TENM3: variants seen among roughly 807,000 people sequenced by gnomAD.
The protein encoded by TENM3 is teneurin transmembrane protein 3.
In TENM3, 63 loss-of-function variants were observed where a neutral mutation model predicts 255.1. The ratio of observed to expected loss-of-function variants is 0.25; its 90% CI spans 0.20 to 0.30. The LOEUF is 0.30. Ranked by LOEUF, TENM3 falls within the 10% of genes least tolerant of loss-of-function variation. TENM3 has a pLI of 1.00. For synonymous variants in TENM3, 1,306 were observed against 1,322.3 expected (o/e 0.99, Z 0.27); for missense variants, 2,929 against 3,461.1 (o/e 0.85, Z 3.86).
intron 3 of TENM3, among the ~76,000 whole-genome samples, chr4:182,504,776 G>T (rs1332534129): frequency 1.3e-5 from 2 of 152,176 alleles, no homozygotes; most frequent in Non-Finnish European, 1.5e-5. Context: ...CAATATGCCA[G>T]CCTGGTCTGT....
At chr4:182,043,323 G>A in the TENM3 span, among the ~76,000 whole-genome samples, 1 of 152,162 alleles carries the variant, frequency 6.6e-6, no homozygotes, top group Non-Finnish European at 1.5e-5. Flanking sequence ...AGCTAAAACA[G>A]TTAATGCAAA....
chr4:182,433,140 A>T (rs13116285), intron 3 of TENM3, among the ~76,000 whole-genome samples: 72,965 of 151,660 alleles, frequency 0.48, 17,964 homozygotes, highest in South Asian at 0.6. Flanking sequence ...GGTGATGGAA[A>T]ATATTTTGAA....
chr4:182,475,407 ATT>A (rs5864786), intron 3 of TENM3, among the ~76,000 whole-genome samples: 81 of 150,778 alleles, frequency 5.4e-4, no homozygotes, highest in African/African-American at 1.9e-3. Flanking sequence ...AAACTGATCA[ATT>A]TTTTTTTTTC....
intron 5 of TENM3, among the ~76,000 whole-genome samples, chr4:182,639,954 G>T (rs1660809386): frequency 1.3e-5 from 2 of 152,168 alleles, no homozygotes; most frequent in African/African-American, 4.8e-5. Context: ...GCCGGGCGTG[G>T]TGGCGCGCAC....
At chr4:182,594,730 G>GTA (rs1335809915) in intron 3 of TENM3, among the ~76,000 whole-genome samples, 1 of 138,296 alleles carries the variant, frequency 7.2e-6, no homozygotes, top group South Asian at 2.3e-4. Flanking sequence ...GTGTGTGTGT[G>GTA]TTTTCCCGAG....
intron 3 of TENM3, among the ~76,000 whole-genome samples, chr4:182,365,458 A>G (rs1766367875): frequency 6.6e-6 from 1 of 152,212 alleles, no homozygotes; most frequent in African/African-American, 2.4e-5. Context: ...GGTGAAGAAC[A>G]GGTGTACGTG....
At chr4:181,679,444 T>G in the TENM3 span, among the ~76,000 whole-genome samples, 1 of 152,146 alleles carries the variant, frequency 6.6e-6, no homozygotes, top group East Asian at 1.9e-4. Context: ...CATATCGGTT[T>G]AAAATAAAAC....
At chr4:181,605,963 T>C in the TENM3 span, among the ~76,000 whole-genome samples, 1 of 152,322 alleles carries the variant, frequency 6.6e-6, no homozygotes, top group African/African-American at 2.4e-5. Context: ...CACATCATCC[T>C]TTTCTTCAAA....
chr4:182,771,548 C>G (rs753898949), intron 22 of TENM3, among the ~76,000 whole-genome samples: 4 of 151,588 alleles, frequency 2.6e-5, no homozygotes, highest in Non-Finnish European at 5.9e-5. Context: ...TAGAGGCATT[C>G]AAAAGGGCAT....
intron 1 of TENM3, among the ~76,000 whole-genome samples, chr4:182,189,248 ACT>A (rs1213643217): frequency 6.6e-6 from 1 of 151,524 alleles, no homozygotes; most frequent in Non-Finnish European, 1.5e-5. Flanking sequence ...AGACTATGTA[ACT>A]CTAGCTCAGT....
At chr4:181,921,296 TG>T in the TENM3 span, among the ~76,000 whole-genome samples, 1 of 152,206 alleles carries the variant, frequency 6.6e-6, no homozygotes, top group Non-Finnish European at 1.5e-5. Flanking sequence ...TTGATGGGGA[TG>T]GCATTGAATC....
the TENM3 span, among the ~76,000 whole-genome samples, chr4:182,104,251 C>T: frequency 1.3e-5 from 2 of 152,088 alleles, no homozygotes; most frequent in African/African-American, 2.4e-5. Context: ...TTCTCTGATC[C>T]AGTGTGTCCC....
At chr4:182,763,786 C>G (rs1378779209) in intron 22 of TENM3, among the ~76,000 whole-genome samples, 1 of 152,154 alleles carries the variant, frequency 6.6e-6, no homozygotes, top group African/African-American at 2.4e-5. Flanking sequence ...GATGACTAAA[C>G]CTCAAACCTT....
chr4:181,586,027 A>T, the TENM3 span, among the ~76,000 whole-genome samples: 1 of 152,174 alleles, frequency 6.6e-6, no homozygotes, highest in Non-Finnish European at 1.5e-5. Context: ...TAATCATTAG[A>T]ATGTAGGGTT....
chr4:181,857,656 G>A, the TENM3 span, among the ~76,000 whole-genome samples: 1 of 151,216 alleles, frequency 6.6e-6, no homozygotes, highest in South Asian at 2.1e-4. Flanking sequence ...TACTGGGGAG[G>A]GTGAGGTGGG....
chr4:182,420,539 C>G (rs1770752867), intron 3 of TENM3, among the ~76,000 whole-genome samples: 1 of 152,174 alleles, frequency 6.6e-6, no homozygotes, highest in Admixed American at 6.5e-5. Flanking sequence ...AGGCCTTTAT[C>G]AGACTAAAAA....
At position 182,417,353 on chromosome 4, in the gene TENM3, A is replaced by G. The variant is rs190591074; in HGVS notation, c.511+70424A>G. ...GGACCTTGTTTCTCAGTGATCTTTC[A>G]TATGTAACATTTTAATATTTATTAG... On this transcript the variant is annotated intron_variant, in intron 3 of 27. Coordinates refer to ENST00000511685, the MANE Select transcript of TENM3 (RefSeq NM_001080477.4). Among the ~76,000 whole-genome samples the G allele has an allele frequency of 2.5e-3, 376 of 152,302 alleles. 3 individuals are homozygous for G. Among genetic ancestry groups the G allele is most frequent in the Non-Finnish European group, 4.6e-3 (311 of 68,034 alleles).
At chr4:182,109,432 T>C in the TENM3 span, among the ~76,000 whole-genome samples, 3 of 151,836 alleles carry the variant, frequency 2.0e-5, no homozygotes, top group Non-Finnish European at 2.9e-5. Context: ...ACAAATCGTT[T>C]TGAATACGAA....
At chr4:181,977,151 C>G in the TENM3 span, among the ~76,000 whole-genome samples, 2 of 152,172 alleles carry the variant, frequency 1.3e-5, no homozygotes, top group Non-Finnish European at 2.9e-5. Context: ...ATGCAAAGTA[C>G]TTTGCCTCTC....
Sources: allele counts gnomAD v4.1 joint callset (sites outside exome capture counted in the v4.1 genomes callset), GRCh38; gene constraint gnomAD v4.1.1; transcripts MANE v1.5; gene names NCBI Gene and HGNC (gene_info 2026-07-23, HGNC 2026-07-21).